The following ARPC3 variants were observed in gnomAD, a reference collection of about 807,000 sequenced individuals.
ARPC3 encodes actin related protein 2/3 complex subunit 3, also known as actin-related protein 2/3 complex subunit 3.
In ARPC3, 12 loss-of-function variants were observed where a neutral mutation model predicts 27.6. The observed-to-expected ratio is 0.43, with a 90% CI of 0.28 to 0.70. The LOEUF (loss-of-function observed/expected upper bound fraction) is 0.70, where lower values mean the gene tolerates loss of function less well. Ranked by LOEUF, ARPC3 falls within the 30% of genes least tolerant of loss-of-function variation. The pLI, the probability that ARPC3 is intolerant of heterozygous loss-of-function variation, is 0.17. For missense variants in ARPC3, 153 were observed against 207.7 expected (o/e 0.74, Z 1.62); for synonymous variants, 53 against 67.2 (o/e 0.79, Z 1.03).
Position 110,436,711 on chromosome 12 carries a change from T to TACAC in ARPC3, c.253-32_253-29dup, listed in dbSNP as rs375877607. ...GGAAAAAAAAATATATATATATATATACACACACACACACACACACACACA... is the reference window on the plus strand; with the variant it reads ...GGAAAAAAAAATATATATATATATATACACACACACACACACACACACACACACA... On this transcript the variant is annotated intron_variant, in intron 4 of 6. Transcript: ENST00000228825. The TACAC allele has an allele frequency of 4.4e-3, 1,665 of 381,824 alleles. 8 individuals carry two copies. The highest frequency in any genetic ancestry group is 0.014 in the African/African-American group (505 of 36,464). The allele number at this position is 381,824 out of a possible 1,614,324, so 23.7% of individuals were successfully genotyped here. A position where few individuals can be genotyped will look rare whatever the true frequency, so the allele number is the denominator to read the frequency against.
intron 2 of ARPC3, among the ~76,000 whole-genome samples, chr12:110,443,858 A>G (rs953386648): frequency 2.0e-5 from 3 of 152,246 alleles, no homozygotes; most frequent in African/African-American, 7.2e-5. Context: ...CTGAAATTAG[A>G]AGAATACTTG....
intron 1 of ARPC3, among the ~76,000 whole-genome samples, chr12:110,449,939 G>C (rs2062490859): frequency 6.6e-6 from 1 of 152,136 alleles, no homozygotes; most frequent in African/African-American, 2.4e-5. Context: ...AAAATAAAAA[G>C]CGCAGCCCTT....
At chr12:110,436,235 T>C (rs1266819685) in intron 5 of ARPC3, 31 bp from the exon 6 acceptor site, 1 of 1,550,244 alleles carries the variant, frequency 6.5e-7, no homozygotes, top group Non-Finnish European at 8.9e-7. Context: ...AAAAACTGTA[T>C]TTGCAAATAC....
At chr12:110,444,126 T>C (rs541824700) in intron 2 of ARPC3, among the ~76,000 whole-genome samples, 2 of 152,014 alleles carry the variant, frequency 1.3e-5, no homozygotes, top group South Asian at 4.2e-4. Context: ...TGCGCCACCA[T>C]GCCCGGCTGA....
At chr12:110,443,676 G>A (rs1319467489) in intron 2 of ARPC3, among the ~76,000 whole-genome samples, 1 of 150,588 alleles carries the variant, frequency 6.6e-6, no homozygotes, top group African/African-American at 2.4e-5. Context: ...GAGGCAATCT[G>A]CCCGCCTCAG....
chr12:110,435,091 T>C lies in ARPC3; in HGVS notation c.*64A>G. ...AACTTTACGAAATAAAGGCAAAAGA[T>C]TGTGTACATCTTGCTGGAAAATGCT... On this transcript the variant is annotated 3_prime_UTR_variant, in exon 7 of 7. Transcript: ENST00000228825. 7 of 1,247,140 alleles carry C rather than the reference T, an allele frequency of 5.6e-6. No individual in the cohort carries two copies. Among genetic ancestry groups the C allele is most frequent in the South Asian group, 2.4e-5 (2 of 83,376 alleles). 77.3% of individuals were successfully genotyped at this position (1,247,140 alleles called of 1,614,324 possible).
At chr12:110,438,296 G>C (rs1361733194) in intron 3 of ARPC3, among the ~76,000 whole-genome samples, 4 of 125,372 alleles carry the variant, frequency 3.2e-5, no homozygotes, top group African/African-American at 1.2e-4. Flanking sequence ...ACTCTGTCTC[G>C]AATTAAAAAA....
Position 110,436,622 on chromosome 12 carries a change from A to T in ARPC3, c.314T>A (p.Ile105Asn). Reference protein sequence around the residue: ...MYTLGITNFPIPGEPGFPLNA... With the variant: ...MYTLGITNFPNPGEPGFPLNA... ...AAGTGGAAAACCAGGCTCTCCAGGA[A>T]TGGGAAAATTAGTGATTCCCAGCGT... Residue 105 changes from isoleucine (I) to asparagine (N), a missense_variant, in exon 5 of 7, where the codon ATT becomes AAT. Transcript: ENST00000228825. The T allele has an allele frequency of 6.2e-7, 1 of 1,612,030 alleles. No individual in the cohort carries two copies. Among genetic ancestry groups the T allele is most frequent in the South Asian group, 1.1e-5 (1 of 91,036 alleles).
chr12:110,443,009 A>G (rs1022521497), intron 2 of ARPC3: 3 of 152,202 alleles, frequency 2.0e-5, no homozygotes, highest in African/African-American at 7.2e-5. Flanking sequence ...CAGAAATGCA[A>G]AGTAATCTTG....
chr12:110,436,641 C>G lies in ARPC3; in HGVS notation c.295G>C (p.Gly99Arg), dbSNP rs781068880. ...CCAGGAATGGGAAAATTAGTGATTC[C>G]CAGCGTATACATTTCTTTCTCACCT... The part of the protein sequence containing the change: ...SQGEKEMYTL[G>R]ITNFPIPGEP... Residue 99 changes from glycine to arginine, a missense_variant, in exon 5 of 7, where the codon GGA (glycine) becomes CGA (arginine). Coordinates refer to ENST00000228825, the MANE Select transcript of ARPC3 (RefSeq NM_001278556.2). 6.2e-7 allele frequency: 1 copy of G among 1,607,698 alleles called. No homozygotes were observed. The highest frequency in any genetic ancestry group is 1.4e-5 in the African/African-American group (1 of 73,624).
At chr12:110,447,699 G>A (rs1318901208) in intron 1 of ARPC3, among the ~76,000 whole-genome samples, 1 of 152,070 alleles carries the variant, frequency 6.6e-6, no homozygotes, top group African/African-American at 2.4e-5. Context: ...CTTGAACCCA[G>A]GAGGCAGAGG....
At chr12:110,446,940 T>G (rs1306764553) in intron 1 of ARPC3, among the ~76,000 whole-genome samples, 2 of 152,222 alleles carry the variant, frequency 1.3e-5, no homozygotes, top group African/African-American at 4.8e-5. Flanking sequence ...ATTTTACTAT[T>G]GTCTATGTTC....
rs2062403403 is a variant in ARPC3 at position 110,436,276 on chromosome 12, GCTCA to G, written c.380-76_380-73del. The G allele has an allele frequency of 4.8e-6, 6 of 1,247,506 alleles. No individual in the cohort carries two copies. The South Asian group carries it at 6.0e-5, about 13-fold the overall frequency. 77.3% of individuals were successfully genotyped at this position (1,247,506 alleles called of 1,614,324 possible). A position where few individuals can be genotyped will look rare whatever the true frequency, so the allele number is the denominator to read the frequency against. On this transcript the variant is annotated intron_variant, in intron 5 of 6. Coordinates refer to ENST00000228825, the MANE Select transcript of ARPC3 (RefSeq NM_001278556.2). ...AAATGTACTGGTTGCAGCTCTGGAT[GCTCA>G]CTGTGGTAATACATTTTTATACATT... is the stretch of plus-strand genomic sequence containing the variant.
At chr12:110,448,071 G>C (rs1314627931) in intron 1 of ARPC3, among the ~76,000 whole-genome samples, 1 of 151,492 alleles carries the variant, frequency 6.6e-6, no homozygotes, top group African/African-American at 2.4e-5. Flanking sequence ...GTAGAGGCAG[G>C]GTCTCATTAT....
Position 110,435,572 on chromosome 12 carries a change from C to T in ARPC3, c.475-355G>A, listed in dbSNP as rs1487330784. On this transcript the variant is annotated intron_variant, in intron 6 of 6. Coordinates refer to ENST00000228825, the MANE Select transcript of ARPC3 (RefSeq NM_001278556.2). ...GTCTCAATCTCCTGACCTCATGATC[C>T]GCCTGCTTTGGCCTCCCAAAGTGCT... is the stretch of plus-strand genomic sequence containing the variant. Among the ~76,000 whole-genome samples, 14 of 152,040 alleles carry T rather than the reference C, an allele frequency of 9.2e-5. 1 individual carries two copies. Among genetic ancestry groups the T allele is most frequent in the Admixed American group, 6.6e-4 (10 of 15,254 alleles).
chr12:110,440,517 C>G, intron 2 of ARPC3, 129 bp from the exon 3 acceptor site: 5 of 691,856 alleles, frequency 7.2e-6, no homozygotes, highest in Non-Finnish European at 7.8e-6. Flanking sequence ...ATAAAATGAT[C>G]CTATTGAAAT....
chr12:110,447,433 AGTAGTAC>A (rs2062471065), intron 1 of ARPC3, among the ~76,000 whole-genome samples: 1 of 152,224 alleles, frequency 6.6e-6, no homozygotes, highest in Non-Finnish European at 1.5e-5. Context: ...TAATATACAA[AGTAGTAC>A]GATTCTGGTC....
intron 1 of ARPC3, among the ~76,000 whole-genome samples, chr12:110,449,139 G>A (rs1016181558): frequency 6.6e-6 from 1 of 151,990 alleles, no homozygotes; most frequent in Non-Finnish European, 1.5e-5. Context: ...CCTTTATTAT[G>A]TTTACACTTT....
chr12:110,447,221 T>C (rs975615279), intron 1 of ARPC3, among the ~76,000 whole-genome samples: 1 of 152,244 alleles, frequency 6.6e-6, no homozygotes, highest in Non-Finnish European at 1.5e-5. Context: ...AGAAGATATA[T>C]ATTCCCTTCA....
Sources: gnomAD v4.1 joint callset for allele counts (sites outside exome capture counted in the v4.1 genomes callset) on GRCh38, gnomAD v4.1.1 for gene constraint, MANE v1.5 for transcripts, NCBI Gene and HGNC (gene_info 2026-07-23, HGNC 2026-07-21) for gene names.